Variants in TLL1 observed in about 807,000 individuals in gnomAD.
TLL1 encodes the protein tolloid like 1.
A neutral mutation model predicts 128.2 loss-of-function variants in TLL1; 49 were observed. The observed-to-expected ratio is 0.38, with a 90% CI of 0.30 to 0.48. The LOEUF (loss-of-function observed/expected upper bound fraction) is 0.48, where lower values mean the gene tolerates loss of function less well. Among genes scored for constraint, TLL1 ranks in the 20% least tolerant of loss-of-function variants. The probability of loss-of-function intolerance (pLI) is 0.96; values close to 1 mark genes in which losing one functional copy is unlikely to be tolerated. For missense variants in TLL1, 1,123 were observed against 1,242.0 expected, an observed-to-expected ratio of 0.90 and a Z score of 1.44; for synonymous variants, 454 against 418.8, an observed-to-expected ratio of 1.08 and a Z score of -1.03.
chr4:165,915,254 G>T (rs1006061492), intron 1 of TLL1, among the ~76,000 whole-genome samples: 1 of 152,050 alleles, frequency 6.6e-6, no homozygotes, highest in Non-Finnish European at 1.5e-5. Flanking sequence ...GCTCAAACTG[G>T]AATTCTTTTT....
At chr4:165,917,390 T>C (rs74617663) in intron 1 of TLL1, among the ~76,000 whole-genome samples, 2,037 of 152,218 alleles carry the variant, frequency 0.013, 23 homozygotes, top group Non-Finnish European at 0.021. Context: ...TGTGAGAACA[T>C]GGGGAAGTTA....
chr4:166,025,265 A>C lies in TLL1; in HGVS notation c.1043-51A>C, dbSNP rs573205105. 4.6e-6 allele frequency: 6 copies of C among 1,308,484 alleles called. No individual in the cohort carries two copies. In the African/African-American group the frequency reaches 8.8e-5, roughly 19 times the overall value. The allele number at this position is 1,308,484 out of a possible 1,614,324, so 81.1% of individuals were successfully genotyped here. The stretch of plus-strand genomic sequence containing the variant: ...CTTCATGGCTTTGTTTATGATATTC[A>C]CGTATTTTATATAAATTAACCAATG... On this transcript the variant is annotated intron_variant, in intron 8 of 20. Coordinates refer to ENST00000061240, the MANE Select transcript of TLL1 (RefSeq NM_012464.5).
intron 1 of TLL1, among the ~76,000 whole-genome samples, chr4:165,940,857 C>G (rs1276084549): frequency 1.3e-5 from 2 of 152,008 alleles, no homozygotes; most frequent in Non-Finnish European, 2.9e-5. Context: ...GACTTGCTTT[C>G]ATTTGATAAG....
At chr4:165,961,996 A>G (rs1735129220) in intron 1 of TLL1, among the ~76,000 whole-genome samples, 1 of 152,134 alleles carries the variant, frequency 6.6e-6, no homozygotes, top group Non-Finnish European at 1.5e-5. Flanking sequence ...AAAAACTAAG[A>G]AATGTTCTTC....
At chr4:165,944,624 G>A (rs1734160038) in intron 1 of TLL1, among the ~76,000 whole-genome samples, 1 of 152,074 alleles carries the variant, frequency 6.6e-6, no homozygotes, top group Admixed American at 6.6e-5. Context: ...GTTTAAATTT[G>A]CTGTTCTCGG....
intron 9 of TLL1, 150 bp from the exon 10 acceptor site, chr4:166,039,189 A>G (rs1739132685): frequency 4.8e-6 from 3 of 628,958 alleles, no homozygotes; most frequent in Non-Finnish European, 5.6e-6. Flanking sequence ...TGGTTCAGAA[A>G]AAAACTATTA....
rs145650216 is a variant in TLL1 at position 165,924,668 on chromosome 4, GGC to G, written c.169+50596_169+50597del. Among the ~76,000 whole-genome samples the G allele has an allele frequency of 4.9e-3, 751 of 152,250 alleles. 8 individuals are homozygous for G. The highest frequency in any genetic ancestry group is 0.016 in the African/African-American group (655 of 41,536). On this transcript the variant is annotated intron_variant, in intron 1 of 20. Coordinates refer to ENST00000061240, the MANE Select transcript of TLL1 (RefSeq NM_012464.5). ...TCTAGCTAAGATCATTGATGGAGGT[GGC>G]CACACTAAGCAACATATTTTCAATG...
rs533676672 is a variant in TLL1, at chr4:165,967,060, C to CT, written c.170-22320dup. Reference sequence around the variant, plus strand: ...GAGCAGCCAGTTTAGATACTTCCCCCTAGGAATGCATTCTTTTTCTCAGGG... The same window carrying CT: ...GAGCAGCCAGTTTAGATACTTCCCCCTTAGGAATGCATTCTTTTTCTCAGGG... On this transcript the variant is annotated intron_variant, in intron 1 of 20. Transcript: ENST00000061240. Among the ~76,000 whole-genome samples the CT allele has an allele frequency of 2.7e-3, 412 of 152,212 alleles. 6 individuals are homozygous for CT. Among genetic ancestry groups the CT allele is most frequent in the African/African-American group, 9.3e-3 (385 of 41,552 alleles).
At chr4:166,044,227 T>C in intron 12 of TLL1, 1 of 639,016 alleles carries the variant, frequency 1.6e-6, no homozygotes, top group Non-Finnish European at 2.6e-6. Context: ...ATGGAGTCTT[T>C]ACTGATTGGA....
intron 1 of TLL1, among the ~76,000 whole-genome samples, chr4:165,958,514 G>C (rs1411812724): frequency 2.4e-4 from 36 of 148,974 alleles, no homozygotes; most frequent in African/African-American, 8.9e-4. Flanking sequence ...GTCTTCTTTT[G>C]AGAAGTGTCT....
intron 1 of TLL1, among the ~76,000 whole-genome samples, chr4:165,932,364 G>A (rs1733569053): frequency 6.6e-6 from 1 of 152,160 alleles, no homozygotes; most frequent in Admixed American, 6.5e-5. Flanking sequence ...AAAAAATGTT[G>A]TGTGAACAGG....
intron 19 of TLL1, among the ~76,000 whole-genome samples, chr4:166,093,187 A>G (rs1741855755): frequency 6.6e-6 from 1 of 152,150 alleles, no homozygotes; most frequent in Non-Finnish European, 1.5e-5. Context: ...GGAGACCGGC[A>G]CTTAGCACAC....
chr4:165,947,054 T>C (rs1170809115), intron 1 of TLL1, among the ~76,000 whole-genome samples: 1 of 152,130 alleles, frequency 6.6e-6, no homozygotes, highest in Non-Finnish European at 1.5e-5. Context: ...TGTCACAGAC[T>C]GGGTGGAATA....
intron 9 of TLL1, among the ~76,000 whole-genome samples, chr4:166,027,846 C>T (rs17633422): frequency 0.18 from 27,889 of 151,942 alleles, 2,849 homozygotes; most frequent in East Asian, 0.31. Flanking sequence ...TGTCCAATTC[C>T]AAAACTCTCG....
intron 1 of TLL1, among the ~76,000 whole-genome samples, chr4:165,917,557 T>A (rs1365133734): frequency 6.6e-6 from 1 of 152,178 alleles, no homozygotes; most frequent in Non-Finnish European, 1.5e-5. Context: ...ATTATATTTG[T>A]ACTTATAACA....
chr4:165,950,500 A>G (rs532508766), intron 1 of TLL1, among the ~76,000 whole-genome samples: 7 of 152,136 alleles, frequency 4.6e-5, no homozygotes, highest in Non-Finnish European at 1.0e-4. Context: ...TGGAACATTC[A>G]CCAAGATAGA....
chr4:165,917,697 G>C (rs1172503954), intron 1 of TLL1, among the ~76,000 whole-genome samples: 1 of 152,042 alleles, frequency 6.6e-6, no homozygotes, highest in African/African-American at 2.4e-5. Context: ...TTACCCCAAA[G>C]CATGAGTCAT....
At chr4:165,944,617 T>C (rs1734159552) in intron 1 of TLL1, among the ~76,000 whole-genome samples, 1 of 152,094 alleles carries the variant, frequency 6.6e-6, no homozygotes, top group Non-Finnish European at 1.5e-5. Flanking sequence ...TTAGAGTGTT[T>C]AAATTTGCTG....
chr4:165,912,711 G>T (rs921365558), intron 1 of TLL1, among the ~76,000 whole-genome samples: 7 of 152,052 alleles, frequency 4.6e-5, no homozygotes, highest in Non-Finnish European at 7.4e-5. Flanking sequence ...TAGGGACTCC[G>T]GTATCGTTCT....
Sources: gnomAD v4.1 joint callset for allele counts (sites outside exome capture counted in the v4.1 genomes callset) on GRCh38, gnomAD v4.1.1 for gene constraint, MANE v1.5 for transcripts, NCBI Gene and HGNC (gene_info 2026-07-23, HGNC 2026-07-21) for gene names.